NDUFB3: variants seen among roughly 807,000 people sequenced by gnomAD.
The protein encoded by NDUFB3 is NADH dehydrogenase [ubiquinone] 1 beta subcomplex subunit 3.
In NDUFB3, 7 loss-of-function variants were observed where a neutral mutation model predicts 9.0. That is an observed-to-expected ratio of 0.78 (90% CI 0.44 to 1.46). NDUFB3 has a LOEUF of 1.46. NDUFB3 is among the 40% of genes most tolerant of loss of function. The pLI is 0.01. For missense variants in NDUFB3, 93 were observed against 115.4 expected (o/e 0.81, Z 0.89); for synonymous variants, 29 against 38.5 (o/e 0.75, Z 0.91).
chr2:201,077,908 A>C (rs1399960512), intron 1 of NDUFB3, among the ~76,000 whole-genome samples: 1 of 152,216 alleles, frequency 6.6e-6, no homozygotes, highest in Non-Finnish European at 1.5e-5. Flanking sequence ...TTTTAAAAGA[A>C]TCATCTAAAG....
intron 2 of NDUFB3, among the ~76,000 whole-genome samples, chr2:201,082,105 C>T (rs1022724397): frequency 3.3e-5 from 5 of 151,934 alleles, no homozygotes; most frequent in Non-Finnish European, 7.4e-5. Context: ...CATGAGCCAC[C>T]GCGCCAGGCC....
intron 1 of NDUFB3, among the ~76,000 whole-genome samples, chr2:201,073,282 A>ATT (rs900628475): frequency 4.6e-5 from 7 of 152,056 alleles, no homozygotes; most frequent in Non-Finnish European, 8.8e-5. Flanking sequence ...GTGCATGTGT[A>ATT]TTTTTTTCTG....
intron 1 of NDUFB3, among the ~76,000 whole-genome samples, chr2:201,076,514 A>ATATATATATATATATATAT (rs2047165092): frequency 1.8e-5 from 2 of 113,382 alleles, no homozygotes; most frequent in Middle Eastern, 5.4e-3. Flanking sequence ...TATATATATA[A>ATATATATATATATATATAT]TTAAATGTGA....
chr2:201,083,479 C>A lies in NDUFB3; in HGVS notation c.141-1980C>A, dbSNP rs887233853. Among the ~76,000 whole-genome samples, 3 of 151,684 alleles carry A rather than the reference C, an allele frequency of 2.0e-5. No homozygotes were observed. The East Asian group carries it at 5.8e-4, about 29-fold the overall frequency. The stretch of plus-strand genomic sequence containing the variant: ...AAGCGATTCTCCTGCCTCTGCCTCC[C>A]GAATAGCTGGGATTACAGGCATGTG... On this transcript the variant is annotated intron_variant, in intron 2 of 2. Coordinates refer to ENST00000237889, the MANE Select transcript of NDUFB3 (RefSeq NM_002491.3).
intron 2 of NDUFB3, among the ~76,000 whole-genome samples, chr2:201,082,037 C>T (rs925150776): frequency 4.6e-5 from 7 of 151,786 alleles, no homozygotes; most frequent in African/African-American, 1.2e-4. Flanking sequence ...AGAATGGTCT[C>T]GATATCCTGA....
At chr2:201,080,699 CTTTTTTTTTTTTTTT>C (rs58130221) in intron 2 of NDUFB3, among the ~76,000 whole-genome samples, 2 of 99,030 alleles carry the variant, frequency 2.0e-5, no homozygotes, top group East Asian at 2.9e-4. Flanking sequence ...AGATCTCCAA[CTTTTTTTTTTTTTTT>C]TTTTTTTTGA....
At chr2:201,079,931 G>C (rs935241808) in intron 2 of NDUFB3, 7 of 152,006 alleles carry the variant, frequency 4.6e-5, no homozygotes, top group Non-Finnish European at 1.0e-4. Context: ...TTTTTTTAAG[G>C]TTTGCAAATG....
At chr2:201,082,699 CT>C (rs1170018569) in intron 2 of NDUFB3, among the ~76,000 whole-genome samples, 2,664 of 100,478 alleles carry the variant, frequency 0.027, 9 homozygotes, top group African/African-American at 0.043. Context: ...GCTAAATTCA[CT>C]TTTTTTTTTT....
In NDUFB3 at chr2:201,085,478, A is replaced by G. The variant is rs766310100; in HGVS notation, c.160A>G (p.Met54Val). The G allele has an allele frequency of 1.2e-6, 2 of 1,606,680 alleles. No homozygotes were observed. The highest frequency in any genetic ancestry group is 1.3e-5 in the African/African-American group (1 of 74,450). ...PWGRNEAWRY[M>V]GGFAKSVSFS... Reference sequence around the variant, plus strand: ...TTCTAGCAATGAAGCTTGGAGATACATGGGTGGCTTTGCAAAGAGTGTTTC... The same window carrying G: ...TTCTAGCAATGAAGCTTGGAGATACGTGGGTGGCTTTGCAAAGAGTGTTTC... The change falls in exon 3 of 3, where the codon ATG becomes GTG. Residue 54 changes from methionine (M) to valine (V), a missense_variant. By Grantham distance (21) the Met-to-Val change is conservative. Transcript: ENST00000237889.
chr2:201,085,401 T>A lies in NDUFB3; in HGVS notation c.141-58T>A, dbSNP rs2047279530. The A allele has an allele frequency of 2.3e-6, 3 of 1,319,896 alleles. No homozygotes were observed. In the Admixed American group the frequency reaches 7.0e-5, roughly 31 times the overall value. 81.8% of individuals were successfully genotyped at this position (1,319,896 alleles called of 1,614,324 possible). The stretch of plus-strand genomic sequence containing the variant: ...TTAGAAAGATGAAAATTAAATGTCT[T>A]CAACGTATATACACACACGTTGTGT... On this transcript the variant is annotated intron_variant, in intron 2 of 2. Transcript: ENST00000237889.
chr2:201,085,625 C>T lies in NDUFB3; in HGVS notation c.*10C>T. Reference sequence around the variant, plus strand: ...TAAGAAGCATCACTGAAGATAATACCTGGAAGCATCATAGTGGTTTCTTAA... The same window carrying T: ...TAAGAAGCATCACTGAAGATAATACTTGGAAGCATCATAGTGGTTTCTTAA... On this transcript the variant is annotated 3_prime_UTR_variant, in exon 3 of 3. Transcript: ENST00000237889. 2 of 1,605,954 alleles carry T rather than the reference C, an allele frequency of 1.2e-6. No homozygotes were observed. The highest frequency in any genetic ancestry group is 1.1e-5 in the South Asian group (1 of 89,746).
chr2:201,083,110 T>C (rs887294947), intron 2 of NDUFB3, among the ~76,000 whole-genome samples: 4 of 152,232 alleles, frequency 2.6e-5, no homozygotes, highest in Admixed American at 1.3e-4. Context: ...TTGTTACTTC[T>C]TCCTTTTCAA....
chr2:201,077,147 A>G (rs1034093506), intron 1 of NDUFB3, among the ~76,000 whole-genome samples: 1 of 152,134 alleles, frequency 6.6e-6, no homozygotes, highest in African/African-American at 2.4e-5. Context: ...GGGCCTGTTC[A>G]TAGTTATAAA....
Position 201,085,573 on chromosome 2 carries a change from A to G in NDUFB3, c.255A>G (p.Glu85=), listed in dbSNP as rs746508090. The change falls in exon 3 of 3, where the codon GAA becomes GAG. Residue 85 remains glutamate (E), a synonymous_variant. Transcript: ENST00000237889. The stretch of plus-strand genomic sequence containing the variant: ...CATTTGTGGTAGCTGTAGGAGCTGA[A>G]TATTACCTGGAGTCCCTGAATAAAG... ...FAAFVVAVGA[E]YYLESLNKDK... The G allele has an allele frequency of 1.6e-5, 26 of 1,612,926 alleles. No individual in the cohort carries two copies. The highest frequency in any genetic ancestry group is 2.1e-5 in the Non-Finnish European group (25 of 1,179,340).
At chr2:201,073,654 G>A (rs1282373549) in intron 1 of NDUFB3, among the ~76,000 whole-genome samples, 1 of 152,036 alleles carries the variant, frequency 6.6e-6, no homozygotes, top group Non-Finnish European at 1.5e-5. Context: ...TGTAATCCCA[G>A]CTACTCGGTA....
At chr2:201,072,116 T>C (rs1469715586) in intron 1 of NDUFB3, 57 bp downstream of exon 1, 1 of 152,262 alleles carries the variant, frequency 6.6e-6, no homozygotes, top group Non-Finnish European at 1.5e-5. Context: ...TAGACTCTAT[T>C]CTGGGGAGTG....
At chr2:201,076,798 G>A (rs1018343481) in intron 1 of NDUFB3, among the ~76,000 whole-genome samples, 17 of 151,846 alleles carry the variant, frequency 1.1e-4, no homozygotes, top group African/African-American at 2.9e-4. Flanking sequence ...CTTCTGAGAT[G>A]CAATGTAAGA....
rs2047279507 is a variant in NDUFB3 at position 201,085,400 on chromosome 2, T to C, written c.141-59T>C. The stretch of plus-strand genomic sequence containing the variant: ...ATTAGAAAGATGAAAATTAAATGTC[T>C]TCAACGTATATACACACACGTTGTG... On this transcript the variant is annotated intron_variant, in intron 2 of 2. Coordinates refer to ENST00000237889, the MANE Select transcript of NDUFB3 (RefSeq NM_002491.3). 8 of 1,317,408 alleles carry C rather than the reference T, an allele frequency of 6.1e-6. No homozygotes were observed. In the South Asian group the frequency reaches 9.6e-5, roughly 16 times the overall value. 81.6% of individuals were successfully genotyped at this position (1,317,408 alleles called of 1,614,324 possible).
intron 2 of NDUFB3, among the ~76,000 whole-genome samples, chr2:201,081,437 C>T (rs962049050): frequency 6.6e-6 from 1 of 151,642 alleles, no homozygotes; most frequent in African/African-American, 2.4e-5. Flanking sequence ...GAACCAAGAT[C>T]GTGCCACTGC....
Sources: gnomAD v4.1 joint callset for allele counts (sites outside exome capture counted in the v4.1 genomes callset) on GRCh38, gnomAD v4.1.1 for gene constraint, MANE v1.5 for transcripts, NCBI Gene and HGNC (gene_info 2026-07-23, HGNC 2026-07-21) for gene names.